The following CPSF4L variants were observed in gnomAD, a reference collection of about 807,000 sequenced individuals.
CPSF4L encodes the protein cleavage and polyadenylation specific factor 4 like.
CPSF4L carries 18 observed loss-of-function variants against 24.0 expected under a neutral mutation model. The observed-to-expected ratio is 0.75, with a 90% confidence interval of 0.52 to 1.11. The LOEUF (loss-of-function observed/expected upper bound fraction) is 1.11, where lower values mean the gene tolerates loss of function less well. Ranked by LOEUF, CPSF4L falls within the 50% of genes least tolerant of loss-of-function variation. The probability of loss-of-function intolerance (pLI) is 0.00; values close to 1 mark genes in which losing one functional copy is unlikely to be tolerated. For missense variants in CPSF4L, 211 were observed against 221.8 expected, an observed-to-expected ratio of 0.95 and a Z score of 0.31; for synonymous variants, 72 against 77.2, an observed-to-expected ratio of 0.93 and a Z score of 0.35.
At chr17:73,252,581 C>G (rs76140197) in intron 5 of CPSF4L, 49 bp downstream of exon 5, 2 of 1,171,564 alleles carry the variant, frequency 1.7e-6, no homozygotes, top group Non-Finnish European at 2.5e-6. Flanking sequence ...AACTAGAAGG[C>G]CAGGCCTAGC....
At chr17:73,260,524 T>C (rs1174907749) in intron 2 of CPSF4L, among the ~76,000 whole-genome samples, 1 of 152,070 alleles carries the variant, frequency 6.6e-6, no homozygotes, top group Non-Finnish European at 1.5e-5. Flanking sequence ...CCCAGCACTT[T>C]GGGAGGCCCA....
At chr17:73,257,922 C>A in intron 2 of CPSF4L, 89 bp from the exon 3 acceptor site, 1 of 1,381,872 alleles carries the variant, frequency 7.2e-7, no homozygotes, top group Admixed American at 2.1e-5. Context: ...AGGAGGGTAC[C>A]TGACTCAGTC....
At position 73,248,470 on chromosome 17, in the gene CPSF4L, G is replaced by A. The variant is rs375016493; in HGVS notation, c.*24C>T. On this transcript the variant is annotated 3_prime_UTR_variant, in exon 6 of 6. Transcript: ENST00000344935. ...TCTGCCCTGTCTGTGGCATTGGAGT[G>A]CCCCGCTAGGTAAGAAGCAACGCTT... The A allele has an allele frequency of 6.4e-7, 1 of 1,550,790 alleles. No homozygotes were observed. Among genetic ancestry groups the A allele is most frequent in the Non-Finnish European group, 8.7e-7 (1 of 1,146,194 alleles).
downstream of CPSF4L, chr17:73,247,544 TAATG>T: frequency 1.9e-6 from 1 of 536,428 alleles, no homozygotes; most frequent in Admixed American, 3.4e-5. Flanking sequence ...TGCTGAAACA[TAATG>T]AAAAGGTTTA....
At chr17:73,247,202 C>T (rs1465165234), downstream of CPSF4L, 2 of 1,584,724 alleles carry the variant, frequency 1.3e-6, no homozygotes, top group East Asian at 4.5e-5. Flanking sequence ...AACCATATGC[C>T]CTGAAAAGCT....
At chr17:73,255,324 T>C (rs1814144096) in intron 3 of CPSF4L, among the ~76,000 whole-genome samples, 1 of 151,868 alleles carries the variant, frequency 6.6e-6, no homozygotes, top group Admixed American at 6.6e-5. Context: ...CTGGCCAACA[T>C]GGTGAAACCC....
chr17:73,243,275 C>A, the CPSF4L span: 1 of 421,012 alleles, frequency 2.4e-6, no homozygotes. Flanking sequence ...CTGCCTCAGC[C>A]TCTCGAGTAG....
chr17:73,242,776 C>T, the CPSF4L span: 2 of 683,648 alleles, frequency 2.9e-6, no homozygotes, highest in African/African-American at 1.8e-5. Context: ...AAAATATGTG[C>T]GTGTAAATCT....
downstream of CPSF4L, among the ~76,000 whole-genome samples, chr17:73,246,305 G>A (rs1302075519): frequency 6.6e-6 from 1 of 152,088 alleles, no homozygotes; most frequent in Non-Finnish European, 1.5e-5. Flanking sequence ...AGGCCAAGGC[G>A]GGCGGATCAT....
intron 3 of CPSF4L, 130 bp downstream of exon 3, chr17:73,257,551 G>T (rs867797559): frequency 2.2e-6 from 2 of 906,012 alleles, no homozygotes; most frequent in African/African-American, 1.7e-5. Context: ...CTGAGACTCA[G>T]ACAGGTCTCT....
At chr17:73,255,515 GAAAA>G (rs56896799) in intron 3 of CPSF4L, among the ~76,000 whole-genome samples, 3 of 117,770 alleles carry the variant, frequency 2.5e-5, no homozygotes, top group Admixed American at 9.1e-5. Context: ...TCCAAAAAAA[GAAAA>G]AAAAAAAAAA....
At chr17:73,258,647 T>G (rs1304710212) in intron 2 of CPSF4L, among the ~76,000 whole-genome samples, 1 of 152,062 alleles carries the variant, frequency 6.6e-6, no homozygotes, top group Non-Finnish European at 1.5e-5. Context: ...TACCACACCT[T>G]TGCCCATCCT....
chr17:73,261,603 A>G (rs973423810), intron 1 of CPSF4L, 113 bp downstream of exon 1: 44 of 743,000 alleles, frequency 5.9e-5, no homozygotes, highest in East Asian at 1.7e-4. Flanking sequence ...AGAGCTTGCA[A>G]TGAGCCGAGA....
At chr17:73,251,727 G>T (rs929357066) in intron 5 of CPSF4L, among the ~76,000 whole-genome samples, 1 of 152,362 alleles carries the variant, frequency 6.6e-6, no homozygotes, top group Non-Finnish European at 1.5e-5. Context: ...CCCCTCGCCT[G>T]TACAAAGACA....
chr17:73,243,132 G>A, the CPSF4L span: 2 of 742,332 alleles, frequency 2.7e-6, no homozygotes, highest in Non-Finnish European at 4.6e-6. Flanking sequence ...ATGCCCTGGT[G>A]AATGAGCTAT....
At chr17:73,243,251 T>A in the CPSF4L span, 1 of 484,350 alleles carries the variant, frequency 2.1e-6, no homozygotes, top group Non-Finnish European at 3.8e-6. Flanking sequence ...GCCTCCTGGG[T>A]TCAAGTGATT....
downstream of CPSF4L, chr17:73,245,840 G>A (rs1294259178): frequency 9.7e-6 from 5 of 514,848 alleles, no homozygotes; most frequent in East Asian, 1.5e-4. Flanking sequence ...ATAATGAACC[G>A]GTGGCTAATG....
At chr17:73,260,551 G>C (rs1334244290) in intron 2 of CPSF4L, among the ~76,000 whole-genome samples, 2 of 152,138 alleles carry the variant, frequency 1.3e-5, no homozygotes, top group African/African-American at 4.8e-5. Flanking sequence ...TGGATCACCT[G>C]AGGTGAGGAG....
At chr17:73,247,313 A>T, downstream of CPSF4L, 1 of 1,614,156 alleles carries the variant, frequency 6.2e-7, no homozygotes, top group East Asian at 2.2e-5. Flanking sequence ...ACGACTGGGG[A>T]TTGCCGCTCT....
Sources: allele counts gnomAD v4.1 joint callset (sites outside exome capture counted in the v4.1 genomes callset), GRCh38; gene constraint gnomAD v4.1.1; transcripts MANE v1.5; gene names NCBI Gene and HGNC (gene_info 2026-07-23, HGNC 2026-07-21).